The following UMODL1 variants were observed in gnomAD, a reference collection of about 807,000 sequenced individuals.
The protein encoded by UMODL1 is uromodulin-like 1.
UMODL1 carries 128 observed loss-of-function variants against 136.3 expected under a neutral mutation model. That is an observed-to-expected ratio of 0.94 (90% confidence interval 0.81 to 1.09). UMODL1 has a LOEUF of 1.09. UMODL1 is among the 50% of genes least tolerant of loss of function. The probability of loss-of-function intolerance (pLI) is 0.00; values close to 1 mark genes in which losing one functional copy is unlikely to be tolerated. For synonymous variants in UMODL1, 721 were observed against 720.0 expected, an observed-to-expected ratio of 1.00 and a Z score of -0.02; for missense variants, 1,766 against 1,725.6, an observed-to-expected ratio of 1.02 and a Z score of -0.41.
At chr21:42,124,613 A>G (rs780901217) in intron 17 of UMODL1, among the ~76,000 whole-genome samples, 12 of 151,858 alleles carry the variant, frequency 7.9e-5, no homozygotes, top group Non-Finnish European at 1.6e-4. Context: ...GGGGCTGTGG[A>G]TGGGGCTGAG....
At chr21:42,077,561 A>T (rs1053446623) in intron 2 of UMODL1, among the ~76,000 whole-genome samples, 10 of 152,390 alleles carry the variant, frequency 6.6e-5, no homozygotes, top group Admixed American at 6.5e-4. Flanking sequence ...GACTATTACA[A>T]GGTGATAGAC....
rs560526291 is a variant in UMODL1, at chr21:42,111,826, C to T, written c.2104+116C>T. ...TCGCAGGCTGCTAGCAATGCTCAGGCGGCATCCTCATCTTGTGCGTGTGGA... is the reference window on the plus strand; with the variant it reads ...TCGCAGGCTGCTAGCAATGCTCAGGTGGCATCCTCATCTTGTGCGTGTGGA... On this transcript the variant is annotated intron_variant, in intron 12 of 22. Transcript: ENST00000408910. 34 of 1,089,960 alleles carry T rather than the reference C, an allele frequency of 3.1e-5. No individual in the cohort carries two copies. In the African/African-American group the frequency reaches 3.5e-4, roughly 11 times the overall value. The allele number at this position is 1,089,960 out of a possible 1,614,324, so 67.5% of individuals were successfully genotyped here. A position where few individuals can be genotyped will look rare whatever the true frequency, so the allele number is the denominator to read the frequency against.
intron 9 of UMODL1, among the ~76,000 whole-genome samples, chr21:42,104,455 C>CT (rs536063448): frequency 0.018 from 2,600 of 143,722 alleles, 63 homozygotes; most frequent in African/African-American, 0.057. Context: ...CTTTTCTTTT[C>CT]TTTTTTTTTT....
intron 13 of UMODL1, among the ~76,000 whole-genome samples, chr21:42,115,628 G>A (rs1333479398): frequency 6.6e-6 from 1 of 152,202 alleles, no homozygotes; most frequent in African/African-American, 2.4e-5. Flanking sequence ...GGAGACAGTT[G>A]CAGGGGCGAG....
intron 21 of UMODL1, among the ~76,000 whole-genome samples, chr21:42,132,471 CATCT>C (rs973650704): frequency 1.3e-5 from 2 of 151,770 alleles, no homozygotes; most frequent in African/African-American, 4.8e-5. Flanking sequence ...CACCATCATC[CATCT>C]ATCATCATCC....
chr21:42,110,927 G>A lies in UMODL1; in HGVS notation c.1705G>A (p.Val569Ile). 1.2e-6 allele frequency: 2 copies of A among 1,612,754 alleles called. No homozygotes were observed. Among genetic ancestry groups the A allele is most frequent in the Non-Finnish European group, 1.7e-6 (2 of 1,179,720 alleles). Residue 569 changes from valine to isoleucine, a missense_variant, in exon 11 of 23, where the codon GTA (valine) becomes ATA (isoleucine). Coordinates refer to ENST00000408910, the MANE Select transcript of UMODL1 (RefSeq NM_001004416.3). ...CGGTGGACTGTCTGCGGCAACAGGG[G>A]TAACGGTCCCAGGTCTTGGCACGGG... Reference protein sequence around the residue: ...MGGGLSAATGVTVPGLGTGTA... With the variant: ...MGGGLSAATGITVPGLGTGTA...
intron 6 of UMODL1, among the ~76,000 whole-genome samples, chr21:42,097,930 C>T (rs1207669795): frequency 6.6e-6 from 1 of 152,144 alleles, no homozygotes; most frequent in African/African-American, 2.4e-5. Context: ...ATAAAAAGGG[C>T]AATAAAGGAA....
intron 4 of UMODL1, among the ~76,000 whole-genome samples, 196 bp from the exon 5 acceptor site, chr21:42,088,098 A>G (rs2066446433): frequency 6.6e-6 from 1 of 152,340 alleles, no homozygotes; most frequent in Non-Finnish European, 1.5e-5. Context: ...CTGGTACTGA[A>G]AGGTACTGAT....
chr21:42,123,044 A>G lies in UMODL1; in HGVS notation c.3041A>G (p.Glu1014Gly), dbSNP rs759696687. ...TTCCTGCAGCAGGAATCCATCCCCG[A>G]GTCCTCGTTGTACCTCAGCCACCCC... ...KRFLQQESIP[E>G]SSLYLSHPSC... Residue 1014 changes from glutamate to glycine, a missense_variant, in exon 17 of 23, where the codon GAG (glutamate) becomes GGG (glycine). Glu to Gly is a moderately conservative substitution (Grantham distance 98). Coordinates refer to ENST00000408910, the MANE Select transcript of UMODL1 (RefSeq NM_001004416.3). The surrounding 1 kb of genome is among the most constrained non-coding windows in gnomAD (Gnocchi z 4.4). 12 of 1,613,972 alleles carry G rather than the reference A, an allele frequency of 7.4e-6. No homozygotes were observed. Among genetic ancestry groups the G allele is most frequent in the Non-Finnish European group, 9.3e-6 (11 of 1,180,034 alleles).
Position 42,085,149 on chromosome 21 carries a change from A to C in UMODL1, c.482-142A>C. 9.7e-7 allele frequency: 1 copy of C among 1,035,688 alleles called. No individual in the cohort carries two copies. The allele number at this position is 1,035,688 out of a possible 1,614,324, so 64.2% of individuals were successfully genotyped here. On this transcript the variant is annotated intron_variant, in intron 3 of 22. Transcript: ENST00000408910. This position sits in a 1 kb window ranked among gnomAD's most constrained non-coding sequence, Gnocchi z 4.5. ...GGACATCCCCCGTCTCCTGTGGTAG[A>C]TGTCTTTTTGCAGGGAGGTAAATGC...
Position 42,127,810 on chromosome 21 carries a change from C to A in UMODL1, c.3669C>A (p.Ser1223=), listed in dbSNP as rs1485910020. Residue 1223 remains serine, a synonymous_variant, in exon 20 of 23, where the codon TCC becomes TCA. Coordinates refer to ENST00000408910, the MANE Select transcript of UMODL1 (RefSeq NM_001004416.3). ...GCAAACTCCGCGTCTGCATGGAATC[C>A]CCCGGAGCCACGTGCAAAATCGTAA... The part of the protein sequence containing the change: ...LHCKLRVCME[S]PGATCKINCN... 1 of 1,612,132 alleles carries A rather than the reference C, an allele frequency of 6.2e-7. No homozygotes were observed. Among genetic ancestry groups the A allele is most frequent in the Non-Finnish European group, 8.5e-7 (1 of 1,179,554 alleles).
Position 42,123,237 on chromosome 21 carries a change from A to G in UMODL1, c.3147+87A>G, listed in dbSNP as rs184646433. The stretch of plus-strand genomic sequence containing the variant: ...GGGCCTCGATGTGGGAGGGCCAGGC[A>G]AGACTCTGCACCCCGAGGGGAACCC... On this transcript the variant is annotated intron_variant, in intron 17 of 22. Coordinates refer to ENST00000408910, the MANE Select transcript of UMODL1 (RefSeq NM_001004416.3). This position sits in a 1 kb window ranked among gnomAD's most constrained non-coding sequence, Gnocchi z 4.4. 11,908 of 1,448,292 alleles carry G rather than the reference A, an allele frequency of 8.2e-3. 66 individuals carry two copies. Among genetic ancestry groups the G allele is most frequent in the Non-Finnish European group, 9.9e-3 (10,635 of 1,076,788 alleles). 89.7% of individuals were successfully genotyped at this position (1,448,292 alleles called of 1,614,324 possible). A position where few individuals can be genotyped will look rare whatever the true frequency, so the allele number is the denominator to read the frequency against.
chr21:42,128,502 A>AGCATGCGTCGCAGAACGTG (rs139845515), intron 20 of UMODL1, among the ~76,000 whole-genome samples: 1 of 152,042 alleles, frequency 6.6e-6, no homozygotes, highest in African/African-American at 2.4e-5. Flanking sequence ...CTCTCATCTG[A>AGCATGCGTCGCAGAACGTG]GCTGTTTTCC....
At chr21:42,121,362 G>T in intron 16 of UMODL1, 138 bp downstream of exon 16, 2 of 964,906 alleles carry the variant, frequency 2.1e-6, no homozygotes, top group Admixed American at 2.8e-5. Context: ...GTGTGATGTG[G>T]GTGCACGTGT....
chr21:42,121,146 A>C lies in UMODL1; in HGVS notation c.2749A>C (p.Thr917Pro). The C allele has an allele frequency of 6.2e-7, 1 of 1,613,876 alleles. No individual in the cohort carries two copies. Among genetic ancestry groups the C allele is most frequent in the South Asian group, 1.1e-5 (1 of 91,046 alleles). Residue 917 changes from threonine to proline, a missense_variant, in exon 16 of 23, where the codon ACC becomes CCC. By Grantham distance (38) the Thr-to-Pro change is conservative. Transcript: ENST00000408910. ...DCVPGTSCRNTLGSFTCSCEG... is the reference protein window; with the variant it reads ...DCVPGTSCRNPLGSFTCSCEG... ...TGTGCCGGGGACATCCTGTCGAAAC[A>C]CCCTCGGGTCTTTCACTTGTAGCTG...
intron 21 of UMODL1, among the ~76,000 whole-genome samples, chr21:42,130,221 C>CGTGTGTGTGTGTGT (rs112746788): frequency 1.3e-4 from 20 of 150,464 alleles, no homozygotes; most frequent in Non-Finnish European, 2.5e-4. Context: ...GCCATGTCAA[C>CGTGTGTGTGTGTGT]GTGTGTGTGT....
intron 21 of UMODL1, among the ~76,000 whole-genome samples, chr21:42,131,067 C>G (rs2067128452): frequency 6.6e-6 from 1 of 152,166 alleles, no homozygotes; most frequent in South Asian, 2.1e-4. Context: ...CCCACCTCGG[C>G]CTCCCAAAGT....
Position 42,137,424 on chromosome 21 carries a change from T to G in UMODL1, c.3776-15T>G, listed in dbSNP as rs376174092. 143 of 1,613,798 alleles carry G rather than the reference T, an allele frequency of 8.9e-5. No individual in the cohort carries two copies. In the African/African-American group the frequency reaches 1.7e-3, roughly 19 times the overall value. On this transcript the variant is annotated splice_polypyrimidine_tract_variant and intron_variant, in intron 21 of 22. Coordinates refer to ENST00000408910, the MANE Select transcript of UMODL1 (RefSeq NM_001004416.3). ...TTTGTGCAGATCTCTCACCTGTGCC[T>G]GTCTCCTCCCCGAGGTGAGCCTCCT...
chr21:42,112,255 C>T (rs1274310690), intron 12 of UMODL1, among the ~76,000 whole-genome samples: 1 of 152,062 alleles, frequency 6.6e-6, no homozygotes, highest in Admixed American at 6.5e-5. Flanking sequence ...TTTCTGCACC[C>T]CCGGCTCTTC....
Sources: gnomAD v4.1 joint callset for allele counts (sites outside exome capture counted in the v4.1 genomes callset) on GRCh38, gnomAD v4.1.1 for gene constraint, Gnocchi (gnomAD v3.1) non-coding constraint, MANE v1.5 for transcripts, NCBI Gene and HGNC (gene_info 2026-07-23, HGNC 2026-07-21) for gene names.